The following PCDH15 variants were observed in gnomAD, a reference collection of about 807,000 sequenced individuals.
PCDH15 encodes the protein protocadherin-15.
A neutral mutation model predicts 178.5 loss-of-function variants in PCDH15; 129 were observed. The observed-to-expected ratio is 0.72, with a 90% CI of 0.63 to 0.84. PCDH15 has a LOEUF of 0.84. PCDH15 is among the 40% of genes least tolerant of loss of function. The pLI is 0.00. For missense variants in PCDH15, 2,230 were observed against 2,099.9 expected (o/e 1.06, Z -1.21); for synonymous variants, 800 against 732.0 (o/e 1.09, Z -1.50).
rs1441257534 is a variant in PCDH15 at position 54,183,525 on chromosome 10, A to C, written c.1509T>G (p.Asn503Lys). 5.6e-6 allele frequency: 9 copies of C among 1,613,774 alleles called. No homozygotes were observed. Among genetic ancestry groups the C allele is most frequent in the African/African-American group, 2.7e-5 (2 of 74,890 alleles). Residue 503 changes from asparagine to lysine, a missense_variant, in exon 13 of 38, where the codon AAT (asparagine) becomes AAG (lysine). Transcript: ENST00000644397. ...VIVNIQVMDA[N>K]DNTPTFPEIS... ...TTTCAGGGAAGGTTGGCGTGTTATC[A>C]TTTGCATCCATCACTTGAATATTGA...
At chr10:54,728,718 C>T (rs983027661) in intron 1 of PCDH15, among the ~76,000 whole-genome samples, 11 of 151,326 alleles carry the variant, frequency 7.3e-5, no homozygotes, top group Admixed American at 6.6e-4. Flanking sequence ...GAATTGATAA[C>T]GTCAGCAAAG....
chr10:53,918,759 C>G (rs2083750128), intron 25 of PCDH15, among the ~76,000 whole-genome samples: 1 of 109,864 alleles, frequency 9.1e-6, no homozygotes, highest in South Asian at 3.2e-4. Context: ...CACACACACA[C>G]ACACACGGAT....
At chr10:54,683,952 T>C (rs1164781272) in intron 1 of PCDH15, among the ~76,000 whole-genome samples, 1 of 152,014 alleles carries the variant, frequency 6.6e-6, no homozygotes, top group Non-Finnish European at 1.5e-5. Context: ...ACAGAAACTT[T>C]TCCATATCAT....
intron 2 of PCDH15, among the ~76,000 whole-genome samples, chr10:55,087,145 G>T (rs1310087459): frequency 2.0e-5 from 3 of 152,108 alleles, no homozygotes; most frequent in Non-Finnish European, 4.4e-5. Flanking sequence ...CTTGTTAAAA[G>T]AATGTGATTT....
At chr10:54,470,040 C>T (rs2077791383) in intron 3 of PCDH15, among the ~76,000 whole-genome samples, 2 of 152,134 alleles carry the variant, frequency 1.3e-5, no homozygotes, top group Non-Finnish European at 2.9e-5. Flanking sequence ...GGTAGAGCTA[C>T]ATCACATGGG....
intron 2 of PCDH15, among the ~76,000 whole-genome samples, chr10:54,627,367 TG>T (rs1289941304): frequency 3.9e-5 from 6 of 152,122 alleles, no homozygotes; most frequent in Admixed American, 3.3e-4. Context: ...AGGGAGCTGG[TG>T]GGAGATGATT....
chr10:55,529,127 G>T (rs1303224307), intron 2 of PCDH15, among the ~76,000 whole-genome samples: 1 of 151,838 alleles, frequency 6.6e-6, no homozygotes. Context: ...CTGGATATTA[G>T]CCCTTTGTCA....
In PCDH15 at chr10:54,049,402, A is replaced by G. The variant is rs369539065; in HGVS notation, c.2220+17355T>C. ...TTCTCTAACTAAGATTTCTGGTAAT[A>G]TGTTAAATAGGAGGGGTTAGAGTAG... On this transcript the variant is annotated intron_variant, in intron 18 of 37. Coordinates refer to ENST00000644397, the MANE Select transcript of PCDH15 (RefSeq NM_001384140.1). Among the ~76,000 whole-genome samples the G allele has an allele frequency of 7.9e-5, 12 of 152,216 alleles. No individual in the cohort carries two copies. The South Asian group carries it at 1.5e-3, about 18-fold the overall frequency.
intron 2 of PCDH15, among the ~76,000 whole-genome samples, chr10:55,339,349 C>A (rs548336771): frequency 9.2e-5 from 14 of 152,058 alleles, no homozygotes; most frequent in Admixed American, 3.3e-4. Flanking sequence ...TTTGGAGTAA[C>A]CTGCTGTCGG....
rs1263619734 is a variant in PCDH15 at position 54,378,773 on chromosome 10, A to C, written c.318+9T>G. The C allele has an allele frequency of 6.2e-7, 1 of 1,613,430 alleles. No individual in the cohort carries two copies. The highest frequency in any genetic ancestry group is 1.1e-5 in the South Asian group (1 of 91,068). On this transcript the variant is annotated intron_variant, in intron 4 of 37. Transcript: ENST00000644397. ...TATATTACAGGGGCAAAGAAAAAAA[A>C]TCACTAACATCTCTATCCAGAACTC...
chr10:54,238,548 C>T (rs12255485), intron 8 of PCDH15, among the ~76,000 whole-genome samples: 8,634 of 151,802 alleles, frequency 0.057, 621 homozygotes, highest in African/African-American at 0.17. Context: ...CTCCTTTAAA[C>T]GTGGAATCAG....
chr10:54,764,153 G>C (rs1192857855), intron 1 of PCDH15, among the ~76,000 whole-genome samples: 2 of 151,902 alleles, frequency 1.3e-5, no homozygotes, highest in Admixed American at 1.3e-4. Flanking sequence ...ACTTTGTTAT[G>C]TCTCTTGTCT....
intron 3 of PCDH15, among the ~76,000 whole-genome samples, chr10:54,834,172 T>G (rs1031112216): frequency 6.6e-6 from 1 of 151,874 alleles, no homozygotes; most frequent in African/African-American, 2.4e-5. Flanking sequence ...TAGTAAAATA[T>G]ATCTAATATT....
chr10:54,359,934 T>C (rs991823535), intron 5 of PCDH15, among the ~76,000 whole-genome samples: 10 of 152,106 alleles, frequency 6.6e-5, no homozygotes, highest in Non-Finnish European at 1.3e-4. Context: ...TAATAATATT[T>C]AAAATAAATT....
At chr10:54,639,873 C>CA in intron 2 of PCDH15, among the ~76,000 whole-genome samples, 1 of 152,182 alleles carries the variant, frequency 6.6e-6, no homozygotes, top group East Asian at 1.9e-4. Flanking sequence ...ACTAATGAAA[C>CA]AATGTACTTT....
At chr10:54,966,332 T>G (rs1838787868) in intron 2 of PCDH15, among the ~76,000 whole-genome samples, 1 of 152,120 alleles carries the variant, frequency 6.6e-6, no homozygotes, top group Non-Finnish European at 1.5e-5. Context: ...ATAATTGACA[T>G]AGAGTCATGC....
chr10:53,853,146 C>G (rs1035686592), intron 28 of PCDH15, among the ~76,000 whole-genome samples: 4 of 149,496 alleles, frequency 2.7e-5, no homozygotes, highest in Non-Finnish European at 5.9e-5. Context: ...AAAAAATCTA[C>G]AAAATGAAAT....
At chr10:55,159,668 A>T (rs1024298206) in intron 2 of PCDH15, among the ~76,000 whole-genome samples, 26 of 147,784 alleles carry the variant, frequency 1.8e-4, no homozygotes, top group African/African-American at 4.4e-4. Context: ...ATATAATTAT[A>T]TATCTTTATA....
At position 54,375,835 on chromosome 10, in the gene PCDH15, A is replaced by AAT. The variant is rs1180933154; in HGVS notation, c.318+2945_318+2946dup. ...AAATAAAAATATATTTTTGAAATGGAATATATATATATAATATATAAATAA... is the reference window on the plus strand; with the variant it reads ...AAATAAAAATATATTTTTGAAATGGAATATATATATATATAATATATAAATAA... On this transcript the variant is annotated intron_variant, in intron 4 of 37. Coordinates refer to ENST00000644397, the MANE Select transcript of PCDH15 (RefSeq NM_001384140.1). 3.1e-4 allele frequency among the ~76,000 whole-genome samples: 39 copies of AAT among 127,584 alleles called. 1 individual carries two copies. The highest frequency in any genetic ancestry group is 7.5e-3 in the Middle Eastern group (2 of 268). The allele number at this position is 127,584 out of a possible 152,430, so 83.7% of individuals were successfully genotyped here. A position where few individuals can be genotyped will look rare whatever the true frequency, so the allele number is the denominator to read the frequency against.
Sources: gnomAD v4.1 joint callset for allele counts (sites outside exome capture counted in the v4.1 genomes callset) on GRCh38, gnomAD v4.1.1 for gene constraint, MANE v1.5 for transcripts, NCBI Gene and HGNC (gene_info 2026-07-23, HGNC 2026-07-21) for gene names.